The following MAST2 variants were observed in gnomAD, a reference collection of about 807,000 sequenced individuals.
The protein encoded by MAST2 is microtubule associated serine/threonine kinase 2.
MAST2 carries 70 observed loss-of-function variants against 147.4 expected under a neutral mutation model. The ratio of observed to expected loss-of-function variants is 0.47; its 90% CI spans 0.39 to 0.58. MAST2 has a LOEUF of 0.58. Among genes scored for constraint, MAST2 ranks in the 20% least tolerant of loss-of-function variants. The pLI is 0.00. For synonymous variants in MAST2, 869 were observed against 896.8 expected, an observed-to-expected ratio of 0.97 and a Z score of 0.55; for missense variants, 2,080 against 2,302.3, an observed-to-expected ratio of 0.90 and a Z score of 1.98.
chr1:45,859,742 C>G (rs527765558), intron 3 of MAST2, among the ~76,000 whole-genome samples: 31 of 152,278 alleles, frequency 2.0e-4, no homozygotes, highest in African/African-American at 7.5e-4. Flanking sequence ...TAGATGCAGC[C>G]TATTCTGAGA....
At chr1:46,010,341 A>G (rs1645661784) in intron 9 of MAST2, among the ~76,000 whole-genome samples, 1 of 152,190 alleles carries the variant, frequency 6.6e-6, no homozygotes, top group African/African-American at 2.4e-5. Flanking sequence ...TAGAAGGAGA[A>G]TTAGGAGTTT....
intron 4 of MAST2, among the ~76,000 whole-genome samples, chr1:45,955,211 T>A (rs1659483187): frequency 6.6e-6 from 1 of 152,060 alleles, no homozygotes; most frequent in Non-Finnish European, 1.5e-5. Context: ...ATATTGGGGA[T>A]TAGTTCCAGG....
chr1:45,910,043 C>T (rs1226654285), intron 4 of MAST2, among the ~76,000 whole-genome samples: 10 of 151,934 alleles, frequency 6.6e-5, no homozygotes, highest in Admixed American at 5.9e-4. Flanking sequence ...TTTTTGAATA[C>T]TCTGGTTTAT....
intron 1 of MAST2, among the ~76,000 whole-genome samples, chr1:45,811,693 G>A (rs1644306379): frequency 6.9e-6 from 1 of 144,444 alleles, no homozygotes. Flanking sequence ...GAGTGCAGTG[G>A]CCTGATCTTG....
chr1:45,970,667 C>CAAAGAA (rs1643879040), intron 5 of MAST2, among the ~76,000 whole-genome samples: 1 of 72,432 alleles, frequency 1.4e-5, no homozygotes, highest in Admixed American at 1.8e-4. Context: ...GACTCTGTCT[C>CAAAGAA]AAAAAAAAAA....
At position 45,821,958 on chromosome 1, in the gene MAST2, T is replaced by A. The variant is rs565231318; in HGVS notation, c.178-2475T>A. Reference sequence around the variant, plus strand: ...GCCTGGAGTGCAGTGGTGTGATTTCTGCTCACTGCAACCTCCACCTCCCAG... The same window carrying A: ...GCCTGGAGTGCAGTGGTGTGATTTCAGCTCACTGCAACCTCCACCTCCCAG... On this transcript the variant is annotated intron_variant, in intron 1 of 28. Coordinates refer to ENST00000361297, the MANE Select transcript of MAST2 (RefSeq NM_015112.3). 6.1e-5 allele frequency among the ~76,000 whole-genome samples: 9 copies of A among 148,394 alleles called. No individual in the cohort carries two copies. In the South Asian group the frequency reaches 1.7e-3, roughly 29 times the overall value.
rs1646889113 is a variant in MAST2, at chr1:46,035,943, A to G, written c.5274A>G (p.Pro1758=). 1.2e-6 allele frequency: 2 copies of G among 1,614,018 alleles called. No homozygotes were observed. The highest frequency in any genetic ancestry group is 1.3e-5 in the African/African-American group (1 of 75,034). The part of the protein sequence containing the change: ...DASGDRRQDV[P]CRGCPLTQKS... The stretch of plus-strand genomic sequence containing the variant: ...CAGGTGACAGAAGGCAGGACGTTCC[A>G]TGCCGAGGCTGCCCCCTCACCCAGA... The change falls in exon 29 of 29, where the codon CCA becomes CCG. Residue 1758 remains proline, a synonymous_variant. Coordinates refer to ENST00000361297, the MANE Select transcript of MAST2 (RefSeq NM_015112.3). The surrounding 1 kb of genome is among the most constrained non-coding windows in gnomAD (Gnocchi z 5.5).
Position 46,021,952 on chromosome 1 carries a change from G to A in MAST2, c.1293G>A (p.Glu431=). ...ARPARLLECL[E]FDPEEFYHLL... is the part of the protein sequence containing the mutation. ...ACTATCTCTCTCCCTTGGTACAGGA[G>A]TTTGACCCTGAAGAGTTCTACCACC... is the stretch of plus-strand genomic sequence containing the variant. Residue 431 remains glutamate, a splice_region_variant and synonymous_variant, in exon 12 of 29, where the codon GAG becomes GAA. Transcript: ENST00000361297. 6.2e-7 allele frequency: 1 copy of A among 1,614,164 alleles called. No homozygotes were observed. The highest frequency in any genetic ancestry group is 1.3e-5 in the African/African-American group (1 of 75,054).
intron 3 of MAST2, among the ~76,000 whole-genome samples, chr1:45,834,778 C>T (rs1041822089): frequency 1.3e-5 from 2 of 152,098 alleles, no homozygotes; most frequent in Non-Finnish European, 2.9e-5. Flanking sequence ...TCAGTTCCTG[C>T]TTTGCTTTCT....
At chr1:45,865,205 C>T (rs975650384) in intron 3 of MAST2, 1 of 445,088 alleles carries the variant, frequency 2.2e-6, no homozygotes, top group Admixed American at 2.5e-5. Context: ...ATGTACTGAA[C>T]AGATTGTTAT....
chr1:45,905,898 C>G (rs1017226110), intron 4 of MAST2, among the ~76,000 whole-genome samples: 1 of 152,030 alleles, frequency 6.6e-6, no homozygotes, highest in Non-Finnish European at 1.5e-5. Context: ...AATGTTTATA[C>G]TGTTGTACTT....
chr1:45,974,384 C>G (rs2149010418), intron 5 of MAST2, among the ~76,000 whole-genome samples: 1 of 152,138 alleles, frequency 6.6e-6, no homozygotes, highest in Middle Eastern at 3.4e-3. Flanking sequence ...TCATGTCAGC[C>G]CAGTAGTTTG....
intron 5 of MAST2, among the ~76,000 whole-genome samples, chr1:45,963,120 G>A (rs528302789): frequency 2.0e-5 from 3 of 151,914 alleles, no homozygotes; most frequent in Non-Finnish European, 4.4e-5. Flanking sequence ...TCCATTGGTC[G>A]ATATCTCTGT....
chr1:45,994,459 G>A lies in MAST2; in HGVS notation c.593-3265G>A, dbSNP rs138014634. 3.3e-3 allele frequency among the ~76,000 whole-genome samples: 502 copies of A among 151,804 alleles called. 4 individuals carry two copies. Among genetic ancestry groups the A allele is most frequent in the African/African-American group, 0.011 (468 of 41,370 alleles). ...GTGCCAGCACAGCCGGTTAATTTTTGTATTTTTAGTAGAGACGGGATTTTG... is the reference window on the plus strand; with the variant it reads ...GTGCCAGCACAGCCGGTTAATTTTTATATTTTTAGTAGAGACGGGATTTTG... On this transcript the variant is annotated intron_variant, in intron 5 of 28. Coordinates refer to ENST00000361297, the MANE Select transcript of MAST2 (RefSeq NM_015112.3).
intron 4 of MAST2, among the ~76,000 whole-genome samples, chr1:45,923,245 CA>C (rs942020205): frequency 1.3e-5 from 2 of 152,120 alleles, no homozygotes; most frequent in Non-Finnish European, 2.9e-5. Context: ...GGGGGGCTTC[CA>C]AAGGAGGGTT....
Position 45,836,491 on chromosome 1 carries a change from T to C in MAST2, c.468+6910T>C, listed in dbSNP as rs1327459971. Among the ~76,000 whole-genome samples, 4 of 152,294 alleles carry C rather than the reference T, an allele frequency of 2.6e-5. No individual in the cohort carries two copies. In the East Asian group the frequency reaches 5.8e-4, roughly 22 times the overall value. On this transcript the variant is annotated intron_variant, in intron 3 of 28. Coordinates refer to ENST00000361297, the MANE Select transcript of MAST2 (RefSeq NM_015112.3). Reference sequence around the variant, plus strand: ...TTATTTTAGTTGAAAAGTAATCCCATCATTCTTAATTTATTTTTCCTTAAT... The same window carrying C: ...TTATTTTAGTTGAAAAGTAATCCCACCATTCTTAATTTATTTTTCCTTAAT...
At chr1:45,825,582 A>G (rs1368121542) in intron 2 of MAST2, among the ~76,000 whole-genome samples, 4 of 150,956 alleles carry the variant, frequency 2.6e-5, no homozygotes, top group African/African-American at 9.7e-5. Context: ...ACAGGTGCGC[A>G]CCACCATGCC....
intron 3 of MAST2, among the ~76,000 whole-genome samples, chr1:45,856,251 G>T (rs1645785650): frequency 6.6e-6 from 1 of 152,088 alleles, no homozygotes; most frequent in Admixed American, 6.6e-5. Flanking sequence ...CTTGAGGCCA[G>T]GAGTTCAAGA....
At chr1:45,912,316 T>G (rs962512257) in intron 4 of MAST2, among the ~76,000 whole-genome samples, 1 of 152,218 alleles carries the variant, frequency 6.6e-6, no homozygotes, top group African/African-American at 2.4e-5. Flanking sequence ...ATCACACACG[T>G]TCGCATTTGT....
Sources: gnomAD v4.1 joint callset for allele counts (sites outside exome capture counted in the v4.1 genomes callset) on GRCh38, gnomAD v4.1.1 for gene constraint, Gnocchi (gnomAD v3.1) non-coding constraint, MANE v1.5 for transcripts, NCBI Gene and HGNC (gene_info 2026-07-23, HGNC 2026-07-21) for gene names.